EPHB1: variants seen among roughly 807,000 people sequenced by gnomAD.
EPHB1 encodes EPH receptor B1, also known as ephrin type-B receptor 1.
EPHB1 carries 30 observed loss-of-function variants against 94.4 expected under a neutral mutation model. The ratio of observed to expected loss-of-function variants is 0.32; its 90% CI spans 0.24 to 0.43. The LOEUF is 0.43. EPHB1 is among the 20% of genes least tolerant of loss of function. EPHB1 has a pLI of 1.00. For synonymous variants in EPHB1, 522 were observed against 489.1 expected (o/e 1.07, Z -0.89); for missense variants, 1,055 against 1,308.3 (o/e 0.81, Z 2.99).
At chr3:134,880,560 C>G (rs1324232384) in intron 1 of EPHB1, among the ~76,000 whole-genome samples, 4 of 152,218 alleles carry the variant, frequency 2.6e-5, no homozygotes, top group Admixed American at 2.6e-4. Flanking sequence ...GCTGTAGCCC[C>G]CCGACACAGC....
chr3:135,125,036 T>C (rs1025999512), intron 4 of EPHB1, among the ~76,000 whole-genome samples: 1 of 151,716 alleles, frequency 6.6e-6, no homozygotes, highest in African/African-American at 2.4e-5. Flanking sequence ...ATATGTCTGG[T>C]ATTCATTGTC....
chr3:135,216,145 C>T (rs570285982), intron 12 of EPHB1, among the ~76,000 whole-genome samples: 5 of 152,278 alleles, frequency 3.3e-5, no homozygotes, highest in South Asian at 2.1e-4. Context: ...TTCCCAGATG[C>T]CCACCCAGCC....
At chr3:134,960,264 A>C (rs73214126) in intron 3 of EPHB1, among the ~76,000 whole-genome samples, 3,357 of 152,038 alleles carry the variant, frequency 0.022, 55 homozygotes, top group South Asian at 0.033. Context: ...GCAAATGGAG[A>C]AGGAATGCAC....
chr3:135,180,853 C>T (rs1333285013), intron 10 of EPHB1, among the ~76,000 whole-genome samples: 1 of 152,168 alleles, frequency 6.6e-6, no homozygotes, highest in African/African-American at 2.4e-5. Flanking sequence ...CTGCAACATT[C>T]TTCGTCTTTT....
chr3:134,973,461 C>T (rs559567539), intron 3 of EPHB1, among the ~76,000 whole-genome samples: 71 of 119,292 alleles, frequency 6.0e-4, no homozygotes, highest in Non-Finnish European at 1.1e-3. Flanking sequence ...GATAGAGTCT[C>T]ACTCCCGTTG....
At position 135,168,138 on chromosome 3, in the gene EPHB1, A is replaced by G. The variant is rs573692399; in HGVS notation, c.1759+1132A>G. ...TCGGGCTGTACAAAGGGCACTTCAT[A>G]GATGTGGCTTCCAATCTAAGATCAA... On this transcript the variant is annotated intron_variant, in intron 9 of 15. Transcript: ENST00000398015. Among the ~76,000 whole-genome samples the G allele has an allele frequency of 3.9e-5, 6 of 152,374 alleles. No homozygotes were observed. In the South Asian group the frequency reaches 1.2e-3, roughly 32 times the overall value.
intron 12 of EPHB1, among the ~76,000 whole-genome samples, chr3:135,213,837 T>G (rs1439390444): frequency 1.3e-5 from 2 of 152,208 alleles, no homozygotes; most frequent in Non-Finnish European, 2.9e-5. Flanking sequence ...TAGTGTCAAC[T>G]TTCCCATCCT....
chr3:134,821,021 G>A (rs893235377), intron 1 of EPHB1, among the ~76,000 whole-genome samples: 26 of 152,204 alleles, frequency 1.7e-4, no homozygotes, highest in African/African-American at 6.3e-4. Context: ...GTCCACATCA[G>A]AGGGCCTGAG....
chr3:135,196,912 T>G (rs1281896723), intron 11 of EPHB1, among the ~76,000 whole-genome samples: 1 of 152,148 alleles, frequency 6.6e-6, no homozygotes, highest in Non-Finnish European at 1.5e-5. Context: ...AAATTTTTCC[T>G]TCTTGATACT....
chr3:135,247,022 ATTTT>A (rs989727639), intron 13 of EPHB1, among the ~76,000 whole-genome samples: 1 of 152,166 alleles, frequency 6.6e-6, no homozygotes, highest in African/African-American at 2.4e-5. Context: ...GAATCTCATT[ATTTT>A]TTAAGTAGAG....
At chr3:134,930,994 A>T (rs2038894081) in intron 2 of EPHB1, among the ~76,000 whole-genome samples, 1 of 152,190 alleles carries the variant, frequency 6.6e-6, no homozygotes, top group Non-Finnish European at 1.5e-5. Context: ...ACAGGATCAG[A>T]TTAATGTTTT....
At chr3:135,160,083 C>T (rs1436155318) in intron 6 of EPHB1, among the ~76,000 whole-genome samples, 1 of 152,176 alleles carries the variant, frequency 6.6e-6, no homozygotes, top group African/African-American at 2.4e-5. Context: ...TGCCAACTCA[C>T]TCAATCAACA....
intron 3 of EPHB1, among the ~76,000 whole-genome samples, chr3:134,990,575 T>G (rs949142540): frequency 2.0e-5 from 3 of 152,208 alleles, no homozygotes; most frequent in African/African-American, 4.8e-5. Flanking sequence ...TTACTAGTTT[T>G]ATCTGTCAGT....
At chr3:135,068,852 G>A (rs573624835) in intron 3 of EPHB1, among the ~76,000 whole-genome samples, 9 of 151,250 alleles carry the variant, frequency 6.0e-5, no homozygotes, top group African/African-American at 1.2e-4. Flanking sequence ...GTTTCACCGC[G>A]TTAGCCAGGA....
chr3:135,164,128 A>G (rs897762572), intron 7 of EPHB1, among the ~76,000 whole-genome samples: 12 of 152,186 alleles, frequency 7.9e-5, no homozygotes, highest in African/African-American at 2.9e-4. Flanking sequence ...AGACATTGTT[A>G]AGGATGCTTC....
Position 135,054,040 on chromosome 3 carries a change from T to TATATAC in EPHB1, c.806-52407_806-52406insTATACA, listed in dbSNP as rs377064799. On this transcript the variant is annotated intron_variant, in intron 3 of 15. Transcript: ENST00000398015. ...GTGTGTCTGCATATATATATATATA[T>TATATAC]ACACACACACACACACACACACACA... Among the ~76,000 whole-genome samples, 1,185 of 139,832 alleles carry TATATAC rather than the reference T, an allele frequency of 8.5e-3. 11 individuals are homozygous for TATATAC. Among genetic ancestry groups the TATATAC allele is most frequent in the African/African-American group, 0.018 (672 of 36,470 alleles). The allele number at this position is 139,832 out of a possible 152,430, so 91.7% of individuals were successfully genotyped here. A position where few individuals can be genotyped will look rare whatever the true frequency, so the allele number is the denominator to read the frequency against.
Position 134,871,732 on chromosome 3 carries a change from C to T in EPHB1, c.59-54084C>T, listed in dbSNP as rs529281847. Reference sequence around the variant, plus strand: ...CTCTTCACTCACTGCAAACACGTAGCACCCCTTTGTCCTTAGATCTCTCTG... The same window carrying T: ...CTCTTCACTCACTGCAAACACGTAGTACCCCTTTGTCCTTAGATCTCTCTG... On this transcript the variant is annotated intron_variant, in intron 1 of 15. Transcript: ENST00000398015. 8.5e-5 allele frequency among the ~76,000 whole-genome samples: 13 copies of T among 152,260 alleles called. No individual in the cohort carries two copies. The South Asian group carries it at 1.9e-3, about 22-fold the overall frequency.
chr3:134,832,255 C>G (rs1188550138), intron 1 of EPHB1, among the ~76,000 whole-genome samples: 2 of 152,196 alleles, frequency 1.3e-5, no homozygotes, highest in African/African-American at 4.8e-5. Flanking sequence ...ACATGCAAGA[C>G]AGAGCTGGTC....
At chr3:134,804,583 G>T (rs778853980) in intron 1 of EPHB1, among the ~76,000 whole-genome samples, 7 of 152,176 alleles carry the variant, frequency 4.6e-5, no homozygotes, top group Admixed American at 2.6e-4. Context: ...AGGGCACAGC[G>T]CAGGTCTTCT....
Sources: gnomAD v4.1 joint callset for allele counts (sites outside exome capture counted in the v4.1 genomes callset) on GRCh38, gnomAD v4.1.1 for gene constraint, MANE v1.5 for transcripts, NCBI Gene and HGNC (gene_info 2026-07-23, HGNC 2026-07-21) for gene names.